SCEL: variants seen among roughly 807,000 people sequenced by gnomAD.
SCEL encodes the protein sciellin.
SCEL carries 113 observed loss-of-function variants against 117.6 expected under a neutral mutation model. That is an observed-to-expected ratio of 0.96 (90% CI 0.83 to 1.12). The LOEUF is 1.12. SCEL is among the 50% of genes most tolerant of loss of function. SCEL has a pLI of 0.00. For synonymous variants in SCEL, 270 were observed against 256.2 expected, an observed-to-expected ratio of 1.05 and a Z score of -0.51; for missense variants, 785 against 810.8, an observed-to-expected ratio of 0.97 and a Z score of 0.39.
At chr13:77,597,301 G>T (rs17068045) in intron 12 of SCEL, among the ~76,000 whole-genome samples, 1 of 151,774 alleles carries the variant, frequency 6.6e-6, no homozygotes, top group Non-Finnish European at 1.5e-5. Context: ...CATAAAGCAG[G>T]TGCAGAAAAA....
intron 9 of SCEL, among the ~76,000 whole-genome samples, chr13:77,586,355 C>T (rs528032476): frequency 6.6e-6 from 1 of 152,160 alleles, no homozygotes; most frequent in Non-Finnish European, 1.5e-5. Flanking sequence ...CTCTGGCTCC[C>T]GCTTTCTCTC....
At chr13:77,600,832 T>C (rs2087621159) in intron 15 of SCEL, among the ~76,000 whole-genome samples, 2 of 152,232 alleles carry the variant, frequency 1.3e-5, no homozygotes. Flanking sequence ...GAAATTTGCC[T>C]TTCTAACATG....
intron 12 of SCEL, among the ~76,000 whole-genome samples, chr13:77,596,338 A>C (rs538574915): frequency 8.1e-6 from 1 of 123,326 alleles, no homozygotes; most frequent in African/African-American, 2.5e-5. Flanking sequence ...TGTCTTAAAA[A>C]AAAAAAAGTA....
intron 9 of SCEL, among the ~76,000 whole-genome samples, chr13:77,577,870 C>T (rs1326731436): frequency 6.6e-6 from 1 of 152,068 alleles, no homozygotes; most frequent in Non-Finnish European, 1.5e-5. Flanking sequence ...GCTCAATAGC[C>T]CCTCACTCCT....
chr13:77,587,293 C>G (rs917111005), intron 9 of SCEL, among the ~76,000 whole-genome samples: 2 of 152,036 alleles, frequency 1.3e-5, no homozygotes, highest in African/African-American at 4.8e-5. Context: ...AACCACCACC[C>G]TGTGCCTTAG....
chr13:77,630,966 C>T (rs1054990934), intron 28 of SCEL, among the ~76,000 whole-genome samples: 8 of 152,150 alleles, frequency 5.3e-5, no homozygotes, highest in Non-Finnish European at 8.8e-5. Context: ...TCTTCTGTTG[C>T]GCTGTTTCCC....
In SCEL at chr13:77,636,725, G is replaced by C. The variant is rs565842262; in HGVS notation, c.1764-395G>C. Among the ~76,000 whole-genome samples, 3 of 152,230 alleles carry C rather than the reference G, an allele frequency of 2.0e-5. No individual in the cohort carries two copies. In the South Asian group the frequency reaches 6.2e-4, roughly 32 times the overall value. ...TTTTTCTAAAAGTTCAAGAATCTCAGTTTCTCTCTGTGAATGGTGTATGTG... is the reference window on the plus strand; with the variant it reads ...TTTTTCTAAAAGTTCAAGAATCTCACTTTCTCTCTGTGAATGGTGTATGTG... On this transcript the variant is annotated intron_variant, in intron 29 of 32. Transcript: ENST00000349847.
chr13:77,550,975 G>A (rs1313265275), intron 1 of SCEL, among the ~76,000 whole-genome samples: 7 of 152,196 alleles, frequency 4.6e-5, no homozygotes, highest in Admixed American at 4.6e-4. Context: ...GGACTTCCAA[G>A]GAGTGAGATG....
At chr13:77,606,451 C>T (rs990590853) in intron 19 of SCEL, 1 of 152,146 alleles carries the variant, frequency 6.6e-6, no homozygotes, top group Admixed American at 6.5e-5. Flanking sequence ...CCACAACCAA[C>T]ACAAAGGGAG....
In SCEL at chr13:77,617,654, C is replaced by G. The variant is rs1488579936; in HGVS notation, c.1507C>G (p.Gln503Glu). 6.3e-7 allele frequency: 1 copy of G among 1,588,872 alleles called. No individual in the cohort carries two copies. The highest frequency in any genetic ancestry group is 1.1e-5 in the South Asian group (1 of 88,100). ...KVNPEIFTNN[Q>E]RNQDLANLIK... ...GAATCCTGAAATTTTCACAAACAACCAAAGGTAATAAAACTATGTTGTTTT... is the reference window on the plus strand; with the variant it reads ...GAATCCTGAAATTTTCACAAACAACGAAAGGTAATAAAACTATGTTGTTTT... Residue 503 changes from glutamine (Q) to glutamate (E), a missense_variant, in exon 25 of 33, where the codon CAA becomes GAA. Coordinates refer to ENST00000349847, the MANE Select transcript of SCEL (RefSeq NM_144777.3).
At chr13:77,642,128 C>T (rs757414386) in intron 31 of SCEL, among the ~76,000 whole-genome samples, 36 of 151,432 alleles carry the variant, frequency 2.4e-4, no homozygotes, top group Non-Finnish European at 2.8e-4. Flanking sequence ...AAAATATTAC[C>T]GAGAATAAAA....
chr13:77,597,580 G>C lies in SCEL; in HGVS notation c.788G>C (p.Ser263Thr). The stretch of plus-strand genomic sequence containing the variant: ...GATAATCTCATCAAAATGAACAAAA[G>C]CTTGAATAGGTAAGATTTTTAAATG... ...ELDNLIKMNK[S>T]LNRNQGLDSL... Residue 263 changes from serine to threonine, a missense_variant, in exon 13 of 33, where the codon AGC becomes ACC. By Grantham distance (58) the Ser-to-Thr change is moderately conservative. Transcript: ENST00000349847. 6.8e-7 allele frequency: 1 copy of C among 1,470,790 alleles called. No individual in the cohort carries two copies. The highest frequency in any genetic ancestry group is 9.2e-7 in the Non-Finnish European group (1 of 1,081,144). 91.1% of individuals were successfully genotyped at this position (1,470,790 alleles called of 1,614,324 possible). A position where few individuals can be genotyped will look rare whatever the true frequency, so the allele number is the denominator to read the frequency against.
chr13:77,604,233 TA>T (rs1482273414), intron 18 of SCEL, 122 bp from the exon 19 acceptor site: 28 of 569,916 alleles, frequency 4.9e-5, no homozygotes, highest in Non-Finnish European at 7.1e-5. Flanking sequence ...TTTAGAGCTT[TA>T]AAAATTTACA....
Position 77,640,684 on chromosome 13 carries a change from T to TATA in SCEL, c.1847_1848insATA (p.Ile616_Glu617insTyr). 1.3e-6 allele frequency: 2 copies of TATA among 1,568,534 alleles called. No individual in the cohort carries two copies. Among genetic ancestry groups the TATA allele is most frequent in the Non-Finnish European group, 1.7e-6 (2 of 1,147,584 alleles). ...TGCTTACATTTCTATAGGTCTGTCA[T>TATA]TGAAAGAGATATGTGCACTTACTGC... On this transcript the variant is annotated inframe_insertion, in exon 31 of 33. Transcript: ENST00000349847.
At chr13:77,601,070 C>T (rs1395274017) in intron 15 of SCEL, among the ~76,000 whole-genome samples, 1 of 149,578 alleles carries the variant, frequency 6.7e-6, no homozygotes, top group Non-Finnish European at 1.5e-5. Flanking sequence ...ATATTATAGA[C>T]AATTTTTTAA....
intron 9 of SCEL, among the ~76,000 whole-genome samples, chr13:77,585,545 G>A (rs1457828197): frequency 1.3e-5 from 2 of 152,048 alleles, no homozygotes; most frequent in African/African-American, 4.8e-5. Context: ...TGGCTTCAAT[G>A]TCACCATCAA....
chr13:77,631,292 C>G (rs893388088), intron 28 of SCEL, among the ~76,000 whole-genome samples: 1 of 152,172 alleles, frequency 6.6e-6, no homozygotes, highest in African/African-American at 2.4e-5. Context: ...AGTCTTACAA[C>G]TTATTGTCAA....
At chr13:77,573,275 T>C (rs951269664) in intron 9 of SCEL, among the ~76,000 whole-genome samples, 1 of 152,190 alleles carries the variant, frequency 6.6e-6, no homozygotes, top group African/African-American at 2.4e-5. Flanking sequence ...ATCGATATCA[T>C]CACTAACTCA....
intron 27 of SCEL, among the ~76,000 whole-genome samples, chr13:77,622,795 G>C (rs917732820): frequency 6.6e-6 from 1 of 152,150 alleles, no homozygotes; most frequent in Non-Finnish European, 1.5e-5. Context: ...CCAGGAGTTC[G>C]AGACTGCAGT....
Sources: allele counts gnomAD v4.1 joint callset (sites outside exome capture counted in the v4.1 genomes callset), GRCh38; gene constraint gnomAD v4.1.1; transcripts MANE v1.5; gene names NCBI Gene and HGNC (gene_info 2026-07-23, HGNC 2026-07-21).